The following CRNKL1 variants were observed in gnomAD, a reference collection of about 807,000 sequenced individuals.
CRNKL1 encodes the protein crooked neck pre-mRNA splicing factor 1.
In CRNKL1, 35 loss-of-function variants were observed where a neutral mutation model predicts 103.7. The observed-to-expected ratio is 0.34, with a 90% CI of 0.26 to 0.45. The LOEUF is 0.45. CRNKL1 is among the 20% of genes least tolerant of loss of function. The pLI is 1.00. For missense variants in CRNKL1, 645 were observed against 836.0 expected (o/e 0.77, Z 2.82); for synonymous variants, 267 against 282.6 (o/e 0.94, Z 0.55).
chr20:20,052,413 G>C lies in CRNKL1; in HGVS notation c.-71C>G, dbSNP rs1171614832. On this transcript the variant is annotated 5_prime_UTR_variant, in exon 1 of 14. Coordinates refer to ENST00000536226, the MANE Select transcript of CRNKL1 (RefSeq NM_001278628.2). The stretch of plus-strand genomic sequence containing the variant: ...TAGAAATCGGCTCTGAGAGCTCACC[G>C]AAACCACAAAGCTTTCAGAAAACAA... The C allele has an allele frequency of 1.2e-6, 2 of 1,614,216 alleles. No homozygotes were observed. Among genetic ancestry groups the C allele is most frequent in the South Asian group, 2.2e-5 (2 of 91,086 alleles).
rs530296501 is a variant in CRNKL1, at chr20:20,043,251, A to G, written c.972+241T>C. Among the ~76,000 whole-genome samples, 116 of 152,300 alleles carry G rather than the reference A, an allele frequency of 7.6e-4. 1 individual carries two copies. The South Asian group carries it at 0.023, about 30-fold the overall frequency. ...TGCTCCAGTTCTACATACAGTCAAC[A>G]ATCAACAAAACGACTTACAACATGT... On this transcript the variant is annotated intron_variant, in intron 7 of 13. Transcript: ENST00000536226.
chr20:20,054,270 A>T (rs150552789), upstream of CRNKL1, among the ~76,000 whole-genome samples: 64 of 151,934 alleles, frequency 4.2e-4, no homozygotes, highest in East Asian at 0.012. Context: ...TAGGTTTATC[A>T]GTCTAGGTTA....
chr20:20,040,983 C>T (rs1246625919), intron 9 of CRNKL1, among the ~76,000 whole-genome samples: 1 of 152,194 alleles, frequency 6.6e-6, no homozygotes, highest in Non-Finnish European at 1.5e-5. Context: ...TATTGTACTG[C>T]ATGGCATGGT....
Position 20,052,301 on chromosome 20 carries a change from T to G in CRNKL1, c.42A>C (p.Lys14Asn), listed in dbSNP as rs780124915. Residue 14 changes from lysine to asparagine, a missense_variant, in exon 1 of 14, where the codon AAA becomes AAC. Around this residue, in one of 2 missense-constraint regions of CRNKL1, gnomAD observed 63 missense variants for 128.3 expected, o/e 0.49. Coordinates refer to ENST00000536226, the MANE Select transcript of CRNKL1 (RefSeq NM_001278628.2). ...STAAGKQRIP[K>N]VAKVKNKAPA... ...CCTCGCGATCGCCTACCTTGGCCAC[T>G]TTGGGAATCCGCTGCTTCCCGGCCG... The G allele has an allele frequency of 6.2e-7, 1 of 1,610,484 alleles. No homozygotes were observed. Among genetic ancestry groups the G allele is most frequent in the Non-Finnish European group, 8.5e-7 (1 of 1,179,290 alleles).
At chr20:20,053,111 C>T (rs6075607), upstream of CRNKL1, among the ~76,000 whole-genome samples, 73,626 of 151,980 alleles carry the variant, frequency 0.48, 18,102 homozygotes, top group East Asian at 0.71. Flanking sequence ...CCTCAATGTC[C>T]TCAACTATAA....
upstream of CRNKL1, chr20:20,052,729 G>C: frequency 6.3e-7 from 1 of 1,599,388 alleles, no homozygotes; most frequent in East Asian, 2.3e-5. Flanking sequence ...CGCCCTGCAA[G>C]GGAGTAAGAA....
upstream of CRNKL1, among the ~76,000 whole-genome samples, chr20:20,054,316 A>G (rs1011405290): frequency 2.6e-5 from 4 of 151,766 alleles, no homozygotes; most frequent in Non-Finnish European, 4.4e-5. Context: ...TTAAAACACT[A>G]TTCTAGTAGT....
chr20:20,053,262 T>C (rs946888263), upstream of CRNKL1, among the ~76,000 whole-genome samples: 10 of 152,126 alleles, frequency 6.6e-5, no homozygotes, highest in African/African-American at 1.9e-4. Context: ...TTTAGAGAAG[T>C]TTTAGGTTCA....
At position 20,036,352 on chromosome 20, in the gene CRNKL1, C is replaced by T; in HGVS notation, c.1907G>A (p.Gly636Asp). 6.2e-7 allele frequency: 1 copy of T among 1,614,126 alleles called. No individual in the cohort carries two copies. Among genetic ancestry groups the T allele is most frequent in the Non-Finnish European group, 8.5e-7 (1 of 1,179,998 alleles). Reference protein sequence around the residue: ...KVQTDDGSDAGWEEYFDYIFP... With the variant: ...KVQTDDGSDADWEEYFDYIFP... ...GATGTAATCAAAGTATTCTTCCCAG[C>T]CTGCATCAGACTACAGAAATAAAAA... Residue 636 changes from glycine to aspartate, a missense_variant, in exon 14 of 14, where the codon GGC becomes GAC. By Grantham distance (94) the Gly-to-Asp change is moderately conservative (BLOSUM62 -1). Transcript: ENST00000536226.
upstream of CRNKL1, among the ~76,000 whole-genome samples, chr20:20,053,129 C>T (rs953329555): frequency 5.3e-5 from 8 of 152,160 alleles, no homozygotes; most frequent in African/African-American, 1.9e-4. Context: ...TAAAACAAGG[C>T]TAATAACATC....
intron 4 of CRNKL1, 134 bp from the exon 5 acceptor site, chr20:20,048,065 A>C (rs2043622907): frequency 8.4e-7 from 1 of 1,188,600 alleles, no homozygotes; most frequent in Non-Finnish European, 1.2e-6. Context: ...AATCTGAAAA[A>C]GGATGAACCA....
At chr20:20,046,719 C>T (rs1253910436) in intron 5 of CRNKL1, among the ~76,000 whole-genome samples, 4 of 152,212 alleles carry the variant, frequency 2.6e-5, no homozygotes, top group African/African-American at 9.7e-5. Flanking sequence ...CGACTGGCCC[C>T]AGAGCCACAG....
chr20:20,050,653 G>T, intron 1 of CRNKL1, 31 bp from the exon 2 acceptor site: 1 of 1,574,328 alleles, frequency 6.4e-7, no homozygotes. Flanking sequence ...TCTATTTTTA[G>T]TAGTTGCTCT....
intron 9 of CRNKL1, 49 bp downstream of exon 9, chr20:20,041,517 G>T (rs1472064991): frequency 2.2e-6 from 3 of 1,371,360 alleles, no homozygotes; most frequent in East Asian, 2.3e-5. Flanking sequence ...ACAAGTAACA[G>T]AAGAGGATTC....
At chr20:20,048,301 T>C (rs369198435) in intron 4 of CRNKL1, 42 bp downstream of exon 4, 1 of 1,603,546 alleles carries the variant, frequency 6.2e-7, no homozygotes, top group Admixed American at 1.7e-5. Flanking sequence ...TGTGGAACTT[T>C]GCTAGTCTAT....
Position 20,052,393 on chromosome 20 carries a change from A to G in CRNKL1, c.-51T>C, listed in dbSNP as rs2043787516. On this transcript the variant is annotated 5_prime_UTR_variant, in exon 1 of 14. Transcript: ENST00000536226. Reference sequence around the variant, plus strand: ...CCTGTCCCCGGCACGGACGCTAGAAATCGGCTCTGAGAGCTCACCGAAACC... The same window carrying G: ...CCTGTCCCCGGCACGGACGCTAGAAGTCGGCTCTGAGAGCTCACCGAAACC... 6.2e-7 allele frequency: 1 copy of G among 1,614,084 alleles called. No homozygotes were observed. Among genetic ancestry groups the G allele is most frequent in the African/African-American group, 1.3e-5 (1 of 74,942 alleles).
chr20:20,042,388 C>A lies in CRNKL1; in HGVS notation c.1101G>T (p.Arg367Ser). Residue 367 changes from arginine to serine, a missense_variant, in exon 8 of 14, where the codon AGG becomes AGT. Transcript: ENST00000536226. ...AAAGATAAATGTAGCGCTTCCAGTG[C>A]CTCTTCTCCTGAATGGGTGGGACAT... ...IANVPPIQEK[R>S]HWKRYIYLWI... The A allele has an allele frequency of 6.2e-7, 1 of 1,614,076 alleles. No homozygotes were observed. The highest frequency in any genetic ancestry group is 8.5e-7 in the Non-Finnish European group (1 of 1,179,988).
intron 8 of CRNKL1, among the ~76,000 whole-genome samples, chr20:20,041,981 A>C (rs2043521550): frequency 6.6e-6 from 1 of 152,240 alleles, no homozygotes; most frequent in South Asian, 2.1e-4. Flanking sequence ...AAAAATGCAT[A>C]ATCTAGCCAG....
chr20:20,035,132 C>G lies in CRNKL1; in HGVS notation c.*1063G>C, dbSNP rs2043399432. ...TACCTTAGGTGTTTCTACACATGCT[C>G]TAAACCAAGAGTAAGTTTAACATGT... On this transcript the variant is annotated 3_prime_UTR_variant, in exon 14 of 14. Coordinates refer to ENST00000536226, the MANE Select transcript of CRNKL1 (RefSeq NM_001278628.2). The G allele has an allele frequency of 6.6e-6, 1 of 152,194 alleles. No homozygotes were observed. The highest frequency in any genetic ancestry group is 1.5e-5 in the Non-Finnish European group (1 of 68,028). 9.4% of individuals were successfully genotyped at this position (152,194 alleles called of 1,614,324 possible).
Sources: allele counts gnomAD v4.1 joint callset (sites outside exome capture counted in the v4.1 genomes callset), GRCh38; gene constraint gnomAD v4.1.1; regional missense constraint gnomAD v4.1.1; transcripts MANE v1.5; gene names NCBI Gene and HGNC (gene_info 2026-07-23, HGNC 2026-07-21).